ARFGEF2: variants seen among roughly 807,000 people sequenced by gnomAD.
ARFGEF2 encodes the protein ARF guanine nucleotide exchange factor 2.
A neutral mutation model predicts 219.9 loss-of-function variants in ARFGEF2; 74 were observed. That is an observed-to-expected ratio of 0.34 (90% CI 0.28 to 0.41). ARFGEF2 has a LOEUF of 0.41. Among genes scored for constraint, ARFGEF2 ranks in the 10% least tolerant of loss-of-function variants. The pLI, the probability that ARFGEF2 is intolerant of heterozygous loss-of-function variation, is 1.00. For missense variants in ARFGEF2, 1,743 were observed against 2,218.3 expected (o/e 0.79, Z 4.30); for synonymous variants, 733 against 799.2 (o/e 0.92, Z 1.40).
chr20:49,031,286 G>A (rs528579216), intron 37 of ARFGEF2, among the ~76,000 whole-genome samples: 126 of 139,594 alleles, frequency 9.0e-4, no homozygotes, highest in Middle Eastern at 4.1e-3. Context: ...CTGGAGTGCA[G>A]TGGTGCAATC....
chr20:48,926,852 G>T (rs1310893953), intron 1 of ARFGEF2, among the ~76,000 whole-genome samples: 1 of 152,166 alleles, frequency 6.6e-6, no homozygotes, highest in Non-Finnish European at 1.5e-5. Context: ...CACACAGCTG[G>T]GTGGGGAAAC....
chr20:49,023,958 T>G (rs2123560288), intron 35 of ARFGEF2, among the ~76,000 whole-genome samples: 1 of 152,070 alleles, frequency 6.6e-6, no homozygotes, highest in South Asian at 2.1e-4. Flanking sequence ...TATGGGATTC[T>G]TTTCCTTTTT....
intron 21 of ARFGEF2, among the ~76,000 whole-genome samples, chr20:48,991,781 A>G (rs2091358940): frequency 1.3e-5 from 2 of 152,202 alleles, no homozygotes; most frequent in South Asian, 4.1e-4. Context: ...CTTTTTTTAA[A>G]AAGTATGGTA....
At chr20:48,942,457 C>T (rs568852284) in intron 3 of ARFGEF2, among the ~76,000 whole-genome samples, 19 of 144,428 alleles carry the variant, frequency 1.3e-4, no homozygotes, top group Middle Eastern at 3.6e-3. Context: ...CTGGCTCAGC[C>T]TTTCTTTCTT....
chr20:49,005,355 T>C, intron 26 of ARFGEF2, 134 bp downstream of exon 26: 2 of 1,097,928 alleles, frequency 1.8e-6, no homozygotes, highest in Admixed American at 2.0e-5. Context: ...TAGACTGTGA[T>C]TCACATCGAT....
At chr20:48,931,813 A>C (rs1600584930) in intron 1 of ARFGEF2, among the ~76,000 whole-genome samples, 1 of 152,226 alleles carries the variant, frequency 6.6e-6, no homozygotes, top group Non-Finnish European at 1.5e-5. Flanking sequence ...GCCAGATCAC[A>C]TAGAGGTTTG....
chr20:48,955,150 C>T (rs2091098292), intron 6 of ARFGEF2, among the ~76,000 whole-genome samples: 1 of 152,162 alleles, frequency 6.6e-6, no homozygotes. Context: ...TGACTGAAAT[C>T]CATGCCCTGT....
At chr20:48,930,281 T>A (rs1461979976) in intron 1 of ARFGEF2, among the ~76,000 whole-genome samples, 1 of 152,206 alleles carries the variant, frequency 6.6e-6, no homozygotes, top group South Asian at 2.1e-4. Context: ...AGAGCCCTCG[T>A]GACCTAATCA....
chr20:48,995,701 T>C, intron 22 of ARFGEF2, 82 bp from the exon 23 acceptor site: 1 of 1,167,896 alleles, frequency 8.6e-7, no homozygotes. Flanking sequence ...CCCCTGTCCC[T>C]GCGTGTTGAC....
At chr20:48,962,086 A>C (rs947286719) in intron 6 of ARFGEF2, among the ~76,000 whole-genome samples, 1 of 152,116 alleles carries the variant, frequency 6.6e-6, no homozygotes, top group Admixed American at 6.5e-5. Flanking sequence ...AGGCTGAGAC[A>C]GGAGAATTGC....
chr20:49,022,846 T>G (rs1182593872), intron 34 of ARFGEF2, among the ~76,000 whole-genome samples: 1 of 151,890 alleles, frequency 6.6e-6, no homozygotes, highest in Non-Finnish European at 1.5e-5. Flanking sequence ...CTGGGTGTGG[T>G]GGCTCATGCT....
Position 49,013,875 on chromosome 20 carries a change from C to G in ARFGEF2, c.4094C>G (p.Thr1365Ser), listed in dbSNP as rs369193549. Reference protein sequence around the residue: ...MFEIMKSYGHTFEKHWWQDLF... With the variant: ...MFEIMKSYGHSFEKHWWQDLF... ...GAGATCATGAAGAGCTATGGCCACACCTTTGAAAAGCACTGGTGGCAGGAC... is the reference window on the plus strand; with the variant it reads ...GAGATCATGAAGAGCTATGGCCACAGCTTTGAAAAGCACTGGTGGCAGGAC... The change falls in exon 30 of 39, where the codon ACC (threonine) becomes AGC (serine). Residue 1365 changes from threonine to serine, a missense_variant. Thr to Ser is a moderately conservative substitution (Grantham distance 58). Transcript: ENST00000371917. The G allele has an allele frequency of 1.9e-6, 3 of 1,614,100 alleles. No individual in the cohort carries two copies. The highest frequency in any genetic ancestry group is 1.3e-5 in the African/African-American group (1 of 75,024).
chr20:48,964,266 G>A (rs1241019691), intron 7 of ARFGEF2, among the ~76,000 whole-genome samples: 8 of 152,204 alleles, frequency 5.3e-5, no homozygotes, highest in African/African-American at 1.2e-4. Context: ...GTAGCCGGGC[G>A]TGGTGGCGCA....
At position 48,971,217 on chromosome 20, in the gene ARFGEF2, A is replaced by G. The variant is rs1458193846; in HGVS notation, c.1288A>G (p.Asn430Asp). Residue 430 changes from asparagine to aspartate, a missense_variant, in exon 10 of 39, where the codon AAT becomes GAT. Asn to Asp is a conservative substitution (Grantham distance 23). Around this residue, in one of 5 missense-constraint regions of ARFGEF2, gnomAD observed 666 missense variants for 955.4 expected, o/e 0.70. Transcript: ENST00000371917. ...ATTCAGGACTCACGAGATGTTCATC[A>G]ATGCAATCAAGCAATATCTCTGTGT... is the stretch of plus-strand genomic sequence containing the variant. ...PVFRTHEMFI[N>D]AIKQYLCVAL... The G allele has an allele frequency of 1.2e-6, 2 of 1,614,058 alleles. No individual in the cohort carries two copies. Among genetic ancestry groups the G allele is most frequent in the Non-Finnish European group, 1.7e-6 (2 of 1,180,048 alleles).
intron 3 of ARFGEF2, among the ~76,000 whole-genome samples, chr20:48,942,991 C>A (rs950939923): frequency 1.3e-5 from 2 of 152,178 alleles, no homozygotes; most frequent in African/African-American, 4.8e-5. Flanking sequence ...TTATCTAACA[C>A]ACATAATTTC....
At chr20:48,961,622 G>T (rs1251254705) in intron 6 of ARFGEF2, among the ~76,000 whole-genome samples, 1 of 152,168 alleles carries the variant, frequency 6.6e-6, no homozygotes, top group Non-Finnish European at 1.5e-5. Context: ...CCAACACTTT[G>T]GGAGGCTGAG....
At position 49,017,266 on chromosome 20, in the gene ARFGEF2, C is replaced by T; in HGVS notation, c.4333C>T (p.Arg1445Ter). 6.2e-7 allele frequency: 1 copy of T among 1,613,880 alleles called. No individual in the cohort carries two copies. Among genetic ancestry groups the T allele is most frequent in the Non-Finnish European group, 8.5e-7 (1 of 1,179,920 alleles). Residue 1445 changes from arginine to a stop codon, truncating the protein, a stop_gained, in exon 32 of 39, where the codon CGA becomes TGA. Coordinates refer to ENST00000371917, the MANE Select transcript of ARFGEF2 (RefSeq NM_006420.3). LOFTEE classifies it high-confidence loss of function. ...CVKQDNEQLARSGTNCLENLV... is the reference protein window; with the variant it reads ...CVKQDNEQLA ...TTTTACAGATAATGAACAGTTGGCG[C>T]GATCAGGTACAAATTGCTTAGAAAA... is the stretch of plus-strand genomic sequence containing the variant.
intron 1 of ARFGEF2, among the ~76,000 whole-genome samples, chr20:48,928,977 A>G (rs1182979407): frequency 1.3e-5 from 2 of 152,230 alleles, no homozygotes; most frequent in Non-Finnish European, 2.9e-5. Flanking sequence ...AGTGCTAGGG[A>G]AAACAGTAAG....
chr20:48,921,748 T>C lies in ARFGEF2; in HGVS notation c.-142T>C. The C allele has an allele frequency of 1.1e-6, 1 of 870,484 alleles. No individual in the cohort carries two copies. The highest frequency in any genetic ancestry group is 1.5e-6 in the Non-Finnish European group (1 of 687,686). The allele number at this position is 870,484 out of a possible 1,614,324, so 53.9% of individuals were successfully genotyped here. On this transcript the variant is annotated 5_prime_UTR_variant, in exon 1 of 39. Transcript: ENST00000371917. ...GACGCGCTCCAACATGGCGGCGCCGTGGGGCCGAGGTGTCGCTTCCTGACG... is the reference window on the plus strand; with the variant it reads ...GACGCGCTCCAACATGGCGGCGCCGCGGGGCCGAGGTGTCGCTTCCTGACG...
Sources: gnomAD v4.1 joint callset for allele counts (sites outside exome capture counted in the v4.1 genomes callset) on GRCh38, gnomAD v4.1.1 for gene constraint, gnomAD v4.1.1 regional missense constraint, MANE v1.5 for transcripts, NCBI Gene and HGNC (gene_info 2026-07-23, HGNC 2026-07-21) for gene names.